TENM3: variants seen among roughly 807,000 people sequenced by gnomAD.
TENM3 encodes the protein teneurin-3.
TENM3 carries 63 observed loss-of-function variants against 255.1 expected under a neutral mutation model. The observed-to-expected ratio is 0.25, with a 90% CI of 0.20 to 0.30. The LOEUF is 0.30. TENM3 is among the 10% of genes least tolerant of loss of function. The pLI, the probability that TENM3 is intolerant of heterozygous loss-of-function variation, is 1.00. For synonymous variants in TENM3, 1,306 were observed against 1,322.3 expected (o/e 0.99, Z 0.27); for missense variants, 2,929 against 3,461.1 (o/e 0.85, Z 3.86).
chr4:181,724,089 A>G, the TENM3 span, among the ~76,000 whole-genome samples: 1 of 152,194 alleles, frequency 6.6e-6, no homozygotes, highest in Admixed American at 6.5e-5. Flanking sequence ...CCACTGGTTC[A>G]CCTTACTGCA....
chr4:182,790,423 C>T (rs1052719257), intron 25 of TENM3, among the ~76,000 whole-genome samples: 1 of 152,210 alleles, frequency 6.6e-6, no homozygotes, highest in East Asian at 1.9e-4. Context: ...GGGAATGGCT[C>T]AGTCTAAACC....
At chr4:181,850,752 T>C in the TENM3 span, among the ~76,000 whole-genome samples, 3 of 152,168 alleles carry the variant, frequency 2.0e-5, no homozygotes, top group Admixed American at 2.0e-4. Flanking sequence ...GGGTAAAATA[T>C]TGGTCTTAGA....
chr4:182,355,321 T>C (rs1259547721), intron 3 of TENM3, among the ~76,000 whole-genome samples: 1 of 152,130 alleles, frequency 6.6e-6, no homozygotes, highest in African/African-American at 2.4e-5. Flanking sequence ...CCGAGCAAAG[T>C]CTTCATGGTG....
the TENM3 span, among the ~76,000 whole-genome samples, chr4:181,565,707 G>A: frequency 6.6e-6 from 1 of 152,082 alleles, no homozygotes; most frequent in Non-Finnish European, 1.5e-5. Context: ...TCATGTTTGT[G>A]ATTTTATTTC....
chr4:181,615,485 G>A, the TENM3 span, among the ~76,000 whole-genome samples: 299 of 152,120 alleles, frequency 2.0e-3, 3 homozygotes, highest in Middle Eastern at 6.8e-3. Context: ...ATAACCATGT[G>A]CCCTTGAATG....
At chr4:182,097,045 A>G in the TENM3 span, among the ~76,000 whole-genome samples, 1 of 152,114 alleles carries the variant, frequency 6.6e-6, no homozygotes, top group Non-Finnish European at 1.5e-5. Context: ...GGTTATAGTT[A>G]CCGTACTTAT....
the TENM3 span, among the ~76,000 whole-genome samples, chr4:181,870,962 G>A: frequency 6.6e-6 from 1 of 151,928 alleles, no homozygotes; most frequent in Non-Finnish European, 1.5e-5. Context: ...GTGTGAAGTA[G>A]GGGTTGAAAT....
rs748020414 is a variant in TENM3 at position 182,754,696 on chromosome 4, A to C, written c.4329A>C (p.Gly1443=). 9.9e-6 allele frequency: 16 copies of C among 1,613,952 alleles called. No homozygotes were observed. In the South Asian group the frequency reaches 1.1e-4, roughly 11 times the overall value. The change falls in exon 22 of 28, where the codon GGA becomes GGC. Residue 1443 remains glycine, a synonymous_variant. Coordinates refer to ENST00000511685, the MANE Select transcript of TENM3 (RefSeq NM_001080477.4). This position sits in a 1 kb window ranked among gnomAD's most constrained non-coding sequence, Gnocchi z 5.1. The part of the protein sequence containing the change: ...TTDGEISLVA[G]IPSECDCKND... ...ATGGAGAAATCTCCTTAGTGGCCGG[A>C]ATACCTTCAGAGTGTGACTGCAAAA...
chr4:182,589,519 C>T (rs1267706354), intron 3 of TENM3, among the ~76,000 whole-genome samples: 1 of 149,876 alleles, frequency 6.7e-6, no homozygotes, highest in East Asian at 2.0e-4. Flanking sequence ...ATACACTTAC[C>T]CCAAGTTTGG....
At chr4:181,806,680 G>A in the TENM3 span, among the ~76,000 whole-genome samples, 212 of 152,296 alleles carry the variant, frequency 1.4e-3, 5 homozygotes, top group Non-Finnish European at 6.3e-4. Context: ...AGACCTGCCC[G>A]TGCCTTGATC....
At chr4:181,757,257 T>C in the TENM3 span, among the ~76,000 whole-genome samples, 1 of 152,178 alleles carries the variant, frequency 6.6e-6, no homozygotes, top group Non-Finnish European at 1.5e-5. Flanking sequence ...CACCTTCCAA[T>C]ATTGTAATAG....
At chr4:181,564,734 T>C in the TENM3 span, among the ~76,000 whole-genome samples, 1 of 152,366 alleles carries the variant, frequency 6.6e-6, no homozygotes, top group South Asian at 2.1e-4. Context: ...AGTCAATCAC[T>C]ATCTCTGACC....
chr4:181,628,491 A>G, the TENM3 span, among the ~76,000 whole-genome samples: 2 of 152,176 alleles, frequency 1.3e-5, no homozygotes, highest in Non-Finnish European at 2.9e-5. Flanking sequence ...TCCTTAATCC[A>G]TCTTGAATTA....
At chr4:182,712,530 A>G (rs577096386) in intron 12 of TENM3, among the ~76,000 whole-genome samples, 10 of 152,276 alleles carry the variant, frequency 6.6e-5, no homozygotes, top group Non-Finnish European at 1.3e-4. Context: ...GAAAAGAAGC[A>G]GCAAAATTAA....
chr4:182,027,159 T>G, the TENM3 span, among the ~76,000 whole-genome samples: 1 of 152,114 alleles, frequency 6.6e-6, no homozygotes, highest in African/African-American at 2.4e-5. Flanking sequence ...TATAGAGATC[T>G]TCTTAGGTAT....
At chr4:182,641,519 G>GTT (rs201738527) in intron 5 of TENM3, among the ~76,000 whole-genome samples, 23 of 149,222 alleles carry the variant, frequency 1.5e-4, no homozygotes, top group African/African-American at 5.2e-4. Flanking sequence ...GTAGTATGCA[G>GTT]TTTTTTTTTG....
At chr4:181,585,174 A>G in the TENM3 span, among the ~76,000 whole-genome samples, 2 of 151,728 alleles carry the variant, frequency 1.3e-5, no homozygotes, top group Non-Finnish European at 2.9e-5. Flanking sequence ...AAAAAAAATT[A>G]CTTTAGGAGC....
chr4:181,470,125 AC>A, the TENM3 span, among the ~76,000 whole-genome samples: 8 of 150,562 alleles, frequency 5.3e-5, no homozygotes, highest in South Asian at 2.1e-4. Context: ...AAAAAAAAAA[AC>A]ATTATTCAAA....
At position 182,745,808 on chromosome 4, in the gene TENM3, C is replaced by T. The variant is rs567175854; in HGVS notation, c.3629+2389C>T. On this transcript the variant is annotated intron_variant, in intron 19 of 27. Transcript: ENST00000511685. ...TACCTGTTATTTAAAGCCATAATCT[C>T]TCCCTCTGGAAAAAAAAAAATCTAT... Among the ~76,000 whole-genome samples, 9 of 49,710 alleles carry T rather than the reference C, an allele frequency of 1.8e-4. No homozygotes were observed. The South Asian group carries it at 8.4e-3, about 46-fold the overall frequency. 32.6% of individuals were successfully genotyped at this position (49,710 alleles called of 152,430 possible).
Sources: gnomAD v4.1 joint callset for allele counts (sites outside exome capture counted in the v4.1 genomes callset) on GRCh38, gnomAD v4.1.1 for gene constraint, Gnocchi (gnomAD v3.1) non-coding constraint, MANE v1.5 for transcripts, NCBI Gene and HGNC (gene_info 2026-07-23, HGNC 2026-07-21) for gene names.